Variants in SDK1 observed in about 807,000 individuals in gnomAD.
SDK1 encodes protein sidekick-1.
A neutral mutation model predicts 245.5 loss-of-function variants in SDK1; 157 were observed. That is an observed-to-expected ratio of 0.64 (90% CI 0.56 to 0.73). The LOEUF (loss-of-function observed/expected upper bound fraction) is 0.73. SDK1 is among the 30% of genes least tolerant of loss of function. The pLI is 0.00. For missense variants in SDK1, 3,583 were observed against 3,002.3 expected, an observed-to-expected ratio of 1.19 and a Z score of -4.52; for synonymous variants, 1,647 against 1,278.5, an observed-to-expected ratio of 1.29 and a Z score of -6.15.
chr7:3,977,601 C>T (rs1026312245), intron 13 of SDK1, among the ~76,000 whole-genome samples: 1 of 152,230 alleles, frequency 6.6e-6, no homozygotes, highest in Non-Finnish European at 1.5e-5. Context: ...GTCTCCTGAT[C>T]ATGCACCCCT....
intron 4 of SDK1, among the ~76,000 whole-genome samples, chr7:3,686,163 C>T (rs1217678616): frequency 2.0e-5 from 3 of 152,196 alleles, no homozygotes; most frequent in Non-Finnish European, 4.4e-5. Flanking sequence ...GCAACCTCTA[C>T]CTCCTGGGTT....
chr7:4,055,976 T>C (rs369800253), intron 19 of SDK1, among the ~76,000 whole-genome samples: 256 of 152,326 alleles, frequency 1.7e-3, no homozygotes, highest in African/African-American at 5.9e-3. Flanking sequence ...TTGATTCCAT[T>C]ATGATCAGAG....
chr7:4,268,768 A>G lies in SDK1; in HGVS notation c.*3384A>G, dbSNP rs1187716562. On this transcript the variant is annotated 3_prime_UTR_variant, in exon 45 of 45. Transcript: ENST00000404826. ...CCTGGTAGCATGGATCCAGTCTGAA[A>G]GGTGAGGACAACGTGGAAACTCATG... 4 of 1,366,256 alleles carry G rather than the reference A, an allele frequency of 2.9e-6. No homozygotes were observed. Among genetic ancestry groups the G allele is most frequent in the African/African-American group, 1.5e-5 (1 of 67,676 alleles). The allele number at this position is 1,366,256 out of a possible 1,614,324, so 84.6% of individuals were successfully genotyped here. A position where few individuals can be genotyped will look rare whatever the true frequency, so the allele number is the denominator to read the frequency against.
intron 4 of SDK1, among the ~76,000 whole-genome samples, chr7:3,786,719 G>A (rs1164847297): frequency 6.6e-6 from 1 of 152,140 alleles, no homozygotes; most frequent in Non-Finnish European, 1.5e-5. Flanking sequence ...GGATGTTTGT[G>A]TTAGGGCTAG....
In SDK1 at chr7:3,540,740, T is replaced by A. The variant is rs148222209; in HGVS notation, c.299-78340T>A. ...GACCAAACTTGCTTTTAAAGTTGTT[T>A]CCATAAGGCTCTGGCAAGAAAAGAG... is the stretch of plus-strand genomic sequence containing the variant. On this transcript the variant is annotated intron_variant, in intron 1 of 44. Coordinates refer to ENST00000404826, the MANE Select transcript of SDK1 (RefSeq NM_152744.4). Among the ~76,000 whole-genome samples, 10 of 152,314 alleles carry A rather than the reference T, an allele frequency of 6.6e-5. No homozygotes were observed. The East Asian group carries it at 1.4e-3, about 21-fold the overall frequency.
Position 4,265,738 on chromosome 7 carries a change from G to C in SDK1, c.*354G>C, listed in dbSNP as rs1183595469. The stretch of plus-strand genomic sequence containing the variant: ...GACCAACTAGGAAGGGTCAAGCGGG[G>C]AGAGGGAGTGGAGGGTCAGGTGAGA... On this transcript the variant is annotated 3_prime_UTR_variant, in exon 45 of 45. Coordinates refer to ENST00000404826, the MANE Select transcript of SDK1 (RefSeq NM_152744.4). 4 of 1,061,970 alleles carry C rather than the reference G, an allele frequency of 3.8e-6. No individual in the cohort carries two copies. The highest frequency in any genetic ancestry group is 4.5e-6 in the Non-Finnish European group (4 of 883,054). The allele number at this position is 1,061,970 out of a possible 1,614,324, so 65.8% of individuals were successfully genotyped here.
In SDK1 at chr7:4,113,051, C is replaced by T. The variant is rs562727334; in HGVS notation, c.3435-238C>T. Among the ~76,000 whole-genome samples the T allele has an allele frequency of 1.7e-4, 26 of 152,276 alleles. No individual in the cohort carries two copies. The South Asian group carries it at 2.5e-3, about 15-fold the overall frequency. ...GTGCTGGGATTTGATCCCCCGCCAC[C>T]GCCTGCCTTGGCCTCCCTTAGTGCT... On this transcript the variant is annotated intron_variant, in intron 23 of 44. Transcript: ENST00000404826.
chr7:3,432,003 A>T (rs1030575952), intron 1 of SDK1, among the ~76,000 whole-genome samples: 1 of 151,876 alleles, frequency 6.6e-6, no homozygotes, highest in Non-Finnish European at 1.5e-5. Context: ...TACAAAATAT[A>T]CCCGTTGAAT....
intron 44 of SDK1, among the ~76,000 whole-genome samples, chr7:4,259,570 T>C (rs1387787003): frequency 1.3e-5 from 2 of 152,184 alleles, no homozygotes; most frequent in East Asian, 3.8e-4. Flanking sequence ...AGGGAACTGC[T>C]CCAGTAGGGC....
intron 1 of SDK1, among the ~76,000 whole-genome samples, chr7:3,569,197 A>G (rs1047046007): frequency 2.0e-5 from 3 of 152,226 alleles, no homozygotes; most frequent in African/African-American, 4.8e-5. Flanking sequence ...AACAAATACT[A>G]TATCCAGTAA....
chr7:3,859,847 CCTTAGAAAATAATGA>C (rs1780646007), intron 5 of SDK1, among the ~76,000 whole-genome samples: 1 of 150,928 alleles, frequency 6.6e-6, no homozygotes, highest in Non-Finnish European at 1.5e-5. Flanking sequence ...AACTGTACAT[CCTTAGAAAATAATGA>C]CGTGTGGGGA....
rs554346231 is a variant in SDK1, at chr7:3,521,994, G to T, written c.299-97086G>T. On this transcript the variant is annotated intron_variant, in intron 1 of 44. Coordinates refer to ENST00000404826, the MANE Select transcript of SDK1 (RefSeq NM_152744.4). ...GATGGAGTTAGCCAGGTGAGCATACGATATGGGGTTTGGGCCACCACAATC... is the reference window on the plus strand; with the variant it reads ...GATGGAGTTAGCCAGGTGAGCATACTATATGGGGTTTGGGCCACCACAATC... Among the ~76,000 whole-genome samples, 8 of 152,066 alleles carry T rather than the reference G, an allele frequency of 5.3e-5. No homozygotes were observed. In the South Asian group the frequency reaches 1.7e-3, roughly 32 times the overall value.
intron 25 of SDK1, among the ~76,000 whole-genome samples, chr7:4,115,718 G>A (rs1400598503): frequency 1.3e-5 from 2 of 152,090 alleles, no homozygotes; most frequent in East Asian, 1.9e-4. Flanking sequence ...GAAATGCCCC[G>A]GATCTGCCCT....
intron 4 of SDK1, among the ~76,000 whole-genome samples, chr7:3,810,671 A>G (rs1202946099): frequency 6.6e-6 from 1 of 152,208 alleles, no homozygotes; most frequent in East Asian, 1.9e-4. Flanking sequence ...GTTACCCTAT[A>G]ATCTCTTCAT....
In SDK1 at chr7:3,619,216, C is replaced by G. The variant is rs769049590; in HGVS notation, c.435C>G (p.Leu145=). Residue 145 remains leucine, a synonymous_variant, in exon 2 of 45, where the codon CTC becomes CTG. Coordinates refer to ENST00000404826, the MANE Select transcript of SDK1 (RefSeq NM_152744.4). The part of the protein sequence containing the change: ...EFKWMRDDSE[L]TTYSSEYKYI... ...AGTGGATGCGCGATGACAGTGAGCT[C>G]ACCACCTACAGCAGCGAATATAAGT... 22 of 1,612,178 alleles carry G rather than the reference C, an allele frequency of 1.4e-5. No individual in the cohort carries two copies. In the South Asian group the frequency reaches 2.1e-4, roughly 15 times the overall value.
intron 1 of SDK1, among the ~76,000 whole-genome samples, chr7:3,419,948 C>T (rs553587897): frequency 1.3e-5 from 2 of 152,086 alleles, no homozygotes; most frequent in Non-Finnish European, 2.9e-5. Context: ...TAGAGATGTA[C>T]CAGTGGCTCA....
chr7:3,851,761 C>T (rs1780424980), intron 5 of SDK1, among the ~76,000 whole-genome samples: 1 of 152,080 alleles, frequency 6.6e-6, no homozygotes, highest in Non-Finnish European at 1.5e-5. Context: ...GAAGAAACGG[C>T]CTTTGGAAAA....
intron 22 of SDK1, among the ~76,000 whole-genome samples, chr7:4,082,346 G>A (rs2128179748): frequency 6.6e-6 from 1 of 152,142 alleles, no homozygotes; most frequent in East Asian, 1.9e-4. Context: ...GGCCAGCCTG[G>A]CCAACATGTG....
chr7:3,538,033 G>A (rs10238783), intron 1 of SDK1, among the ~76,000 whole-genome samples: 55,011 of 151,940 alleles, frequency 0.36, 10,307 homozygotes, highest in African/African-American at 0.46. Context: ...CCTGCCTTTC[G>A]TGGAGTCTTT....
Sources: gnomAD v4.1 joint callset for allele counts (sites outside exome capture counted in the v4.1 genomes callset) on GRCh38, gnomAD v4.1.1 for gene constraint, MANE v1.5 for transcripts, NCBI Gene and HGNC (gene_info 2026-07-23, HGNC 2026-07-21) for gene names.